MYLK: variants seen among roughly 807,000 people sequenced by gnomAD.
MYLK encodes the protein myosin light chain kinase, smooth muscle.
In MYLK, 106 loss-of-function variants were observed where a neutral mutation model predicts 203.4. The observed-to-expected ratio is 0.52, with a 90% CI of 0.45 to 0.61. The LOEUF (loss-of-function observed/expected upper bound fraction) is 0.61. Ranked by LOEUF, MYLK falls within the 20% of genes least tolerant of loss-of-function variation. The probability of loss-of-function intolerance (pLI) is 0.00; values close to 1 mark genes in which losing one functional copy is unlikely to be tolerated. For synonymous variants in MYLK, 867 were observed against 959.5 expected (o/e 0.90, Z 1.78); for missense variants, 2,072 against 2,442.3 (o/e 0.85, Z 3.20).
At chr3:123,848,431 C>T (rs1371624739) in intron 2 of MYLK, among the ~76,000 whole-genome samples, 1 of 151,882 alleles carries the variant, frequency 6.6e-6, no homozygotes, top group Non-Finnish European at 1.5e-5. Context: ...TAATTGCTTA[C>T]ACAATATTTA....
In MYLK at chr3:123,705,339, T is replaced by C. The variant is rs577187493; in HGVS notation, c.2390+2415A>G. Among the ~76,000 whole-genome samples the C allele has an allele frequency of 2.0e-5, 3 of 152,228 alleles. No homozygotes were observed. The East Asian group carries it at 5.8e-4, about 29-fold the overall frequency. On this transcript the variant is annotated intron_variant, in intron 16 of 33. Coordinates refer to ENST00000360304, the MANE Select transcript of MYLK (RefSeq NM_053025.4). ...CCGAAAGGAATGAAGAGGCTGGACT[T>C]TGGGGAAGAAAAAGAGGCAAAGGCT... is the stretch of plus-strand genomic sequence containing the variant.
At chr3:123,726,162 G>A (rs1255326099) in intron 11 of MYLK, 84 bp from the exon 12 acceptor site, 9 of 1,576,340 alleles carry the variant, frequency 5.7e-6, no homozygotes, top group South Asian at 1.1e-5. Flanking sequence ...TCCCAGGCAC[G>A]CCTCACTGTC....
intron 2 of MYLK, among the ~76,000 whole-genome samples, chr3:123,841,343 G>A (rs972747031): frequency 2.6e-5 from 4 of 152,076 alleles, no homozygotes; most frequent in Non-Finnish European, 4.4e-5. Flanking sequence ...GCTTGGTAAG[G>A]AAATATGAGA....
chr3:123,762,240 CTTTT>C (rs1005960886), intron 4 of MYLK, among the ~76,000 whole-genome samples: 1 of 146,946 alleles, frequency 6.8e-6, no homozygotes, highest in African/African-American at 2.5e-5. Flanking sequence ...TTTTTTTTTT[CTTTT>C]TTTGAGATGG....
chr3:123,821,777 C>T (rs1000180093), intron 3 of MYLK, among the ~76,000 whole-genome samples: 18 of 152,178 alleles, frequency 1.2e-4, no homozygotes, highest in African/African-American at 4.1e-4. Context: ...CAAACCTCAT[C>T]GCAATCTCCC....
chr3:123,804,986 A>G (rs530850919), intron 3 of MYLK, among the ~76,000 whole-genome samples: 13 of 152,114 alleles, frequency 8.5e-5, no homozygotes, highest in Non-Finnish European at 1.5e-4. Context: ...CTGCGGTGAC[A>G]TGGTTGCCAG....
intron 3 of MYLK, among the ~76,000 whole-genome samples, chr3:123,801,711 G>T (rs1416832020): frequency 1.3e-5 from 2 of 152,186 alleles, no homozygotes; most frequent in Non-Finnish European, 2.9e-5. Context: ...AGTTTGCTTA[G>T]GATAATGGCC....
Position 123,707,903 on chromosome 3 carries a change from G to T in MYLK, c.2241C>A (p.Asp747Glu). The part of the protein sequence containing the change: ...SVLISCAIAG[D>E]PFPTVHWLRD... ...TGAGCCAGTGCACGGTAGGAAAGGGGTCACCAGCTATGGCGCAGGAGATGA... is the reference window on the plus strand; with the variant it reads ...TGAGCCAGTGCACGGTAGGAAAGGGTTCACCAGCTATGGCGCAGGAGATGA... Residue 747 changes from aspartate to glutamate, a missense_variant, in exon 16 of 34, where the codon GAC becomes GAA. Physicochemically the swap from Asp to Glu is conservative, Grantham distance 45. Coordinates refer to ENST00000360304, the MANE Select transcript of MYLK (RefSeq NM_053025.4). 1 of 1,614,256 alleles carries T rather than the reference G, an allele frequency of 6.2e-7. No individual in the cohort carries two copies. The highest frequency in any genetic ancestry group is 8.5e-7 in the Non-Finnish European group (1 of 1,180,056).
At position 123,752,452 on chromosome 3, in the gene MYLK, G is replaced by A. The variant is rs2063226440; in HGVS notation, c.252C>T (p.Gly84=). ...TCACAAGGCTGAAAGTCCCCCGGAT[G>A]CCGCAATCCAGCAGGAAGCGGCCCC... ...TSGGRFLLDC[G]IRGTFSLVIH... Residue 84 remains glycine, a synonymous_variant, in exon 5 of 34, where the codon GGC becomes GGT. Coordinates refer to ENST00000360304, the MANE Select transcript of MYLK (RefSeq NM_053025.4). 6.2e-7 allele frequency: 1 copy of A among 1,614,094 alleles called. No individual in the cohort carries two copies. Among genetic ancestry groups the A allele is most frequent in the Non-Finnish European group, 8.5e-7 (1 of 1,180,052 alleles).
chr3:123,880,291 G>C (rs149403944), intron 1 of MYLK, among the ~76,000 whole-genome samples: 3 of 152,158 alleles, frequency 2.0e-5, no homozygotes, highest in East Asian at 3.9e-4. Context: ...CCAGAAACCT[G>C]AATGAGACCT....
At chr3:123,617,971 G>C (rs1041854023) in intron 33 of MYLK, 1 of 153,090 alleles carries the variant, frequency 6.5e-6, no homozygotes, top group African/African-American at 2.4e-5. Flanking sequence ...CTTTGTCCCG[G>C]GTGCCTGGCT....
At chr3:123,771,930 C>T (rs1429861263) in intron 4 of MYLK, among the ~76,000 whole-genome samples, 3 of 152,036 alleles carry the variant, frequency 2.0e-5, no homozygotes, top group Non-Finnish European at 1.5e-5. Flanking sequence ...ATCATTTTTG[C>T]ATAAAGTTGA....
rs2059056203 is a variant in MYLK, at chr3:123,647,348, A to T, written c.4495T>A (p.Ser1499Thr). The T allele has an allele frequency of 6.2e-7, 1 of 1,614,238 alleles. No homozygotes were observed. Among genetic ancestry groups the T allele is most frequent in the Non-Finnish European group, 8.5e-7 (1 of 1,180,048 alleles). ...CGGATATTCTCTTTCTCTTTTGCTGAATATGCCTTGAAGAACTTCCCTGCC... is the reference window on the plus strand; with the variant it reads ...CGGATATTCTCTTTCTCTTTTGCTGTATATGCCTTGAAGAACTTCCCTGCC... ...VWAGKFFKAY[S>T]AKEKENIRQE... is the part of the protein sequence containing the mutation. Residue 1499 changes from serine to threonine, a missense_variant, in exon 27 of 34, where the codon TCA (serine) becomes ACA (threonine). Ser to Thr is a moderately conservative substitution (Grantham distance 58, BLOSUM62 1). Transcript: ENST00000360304.
intron 1 of MYLK, among the ~76,000 whole-genome samples, chr3:123,877,020 C>T (rs1324987608): frequency 6.6e-6 from 1 of 152,154 alleles, no homozygotes; most frequent in African/African-American, 2.4e-5. Flanking sequence ...TCAGAGGCAG[C>T]CTCTGGGGGC....
chr3:123,855,265 C>T (rs1347619819), intron 2 of MYLK, among the ~76,000 whole-genome samples: 2 of 152,038 alleles, frequency 1.3e-5, no homozygotes, highest in African/African-American at 4.8e-5. Flanking sequence ...TACCTTTAAA[C>T]CGTTCTTTCA....
At chr3:123,707,502 A>G (rs567853503) in intron 16 of MYLK, among the ~76,000 whole-genome samples, 2 of 152,268 alleles carry the variant, frequency 1.3e-5, no homozygotes, top group African/African-American at 4.8e-5. Context: ...ACACCACATA[A>G]TGGGGGAACA....
chr3:123,860,510 A>G (rs1217359362), intron 2 of MYLK, among the ~76,000 whole-genome samples: 1 of 152,202 alleles, frequency 6.6e-6, no homozygotes, highest in African/African-American at 2.4e-5. Flanking sequence ...TATACAATGA[A>G]ATGCAGATTT....
At chr3:123,875,253 A>G (rs2033077805) in intron 2 of MYLK, among the ~76,000 whole-genome samples, 2 of 152,218 alleles carry the variant, frequency 1.3e-5, no homozygotes, top group Non-Finnish European at 2.9e-5. Flanking sequence ...ACACACGGTG[A>G]TACGTCTTTA....
intron 4 of MYLK, among the ~76,000 whole-genome samples, chr3:123,771,459 C>T (rs967040089): frequency 9.9e-5 from 15 of 152,058 alleles, no homozygotes; most frequent in Non-Finnish European, 1.9e-4. Flanking sequence ...AAGTTTATTC[C>T]TAAATATTGT....
Sources: gnomAD v4.1 joint callset for allele counts (sites outside exome capture counted in the v4.1 genomes callset) on GRCh38, gnomAD v4.1.1 for gene constraint, MANE v1.5 for transcripts, NCBI Gene and HGNC (gene_info 2026-07-23, HGNC 2026-07-21) for gene names.